The following SLC2A9 variants were observed in gnomAD, a reference collection of about 807,000 sequenced individuals.
SLC2A9 encodes solute carrier family 2, facilitated glucose transporter member 9.
Under a neutral mutation model 50.6 loss-of-function variants are expected in SLC2A9, and 39 were observed. The ratio of observed to expected loss-of-function variants is 0.77; its 90% CI spans 0.60 to 1.01. SLC2A9 has a LOEUF of 1.01. Ranked by LOEUF, SLC2A9 falls within the 50% of genes least tolerant of loss-of-function variation. The probability of loss-of-function intolerance (pLI) is 0.00; values close to 1 mark genes in which losing one functional copy is unlikely to be tolerated. For missense variants in SLC2A9, 686 were observed against 677.6 expected (o/e 1.01, Z -0.14); for synonymous variants, 324 against 276.9 (o/e 1.17, Z -1.69).
At chr4:9,990,788 A>T (rs1276251904) in intron 3 of SLC2A9, among the ~76,000 whole-genome samples, 1 of 152,094 alleles carries the variant, frequency 6.6e-6, no homozygotes, top group Non-Finnish European at 1.5e-5. Context: ...CTTTCTCCTT[A>T]TGTCCCATCA....
chr4:9,891,646 T>C (rs924350642), intron 8 of SLC2A9, among the ~76,000 whole-genome samples: 4 of 152,154 alleles, frequency 2.6e-5, no homozygotes, highest in African/African-American at 9.7e-5. Flanking sequence ...AGAGGTGAGA[T>C]AACAGCAGAC....
chr4:9,928,649 G>T (rs150088572), intron 6 of SLC2A9, among the ~76,000 whole-genome samples: 2 of 152,132 alleles, frequency 1.3e-5, no homozygotes, highest in African/African-American at 4.8e-5. Flanking sequence ...CAGGAGAATC[G>T]CTTGAACCCG....
At chr4:9,983,105 T>C (rs1361607208) in intron 4 of SLC2A9, among the ~76,000 whole-genome samples, 1 of 152,138 alleles carries the variant, frequency 6.6e-6, no homozygotes, top group Non-Finnish European at 1.5e-5. Context: ...TGACCTCAGG[T>C]GATCCGCCCG....
At chr4:9,887,432 G>A in intron 10 of SLC2A9, 135 bp downstream of exon 10, 1 of 803,774 alleles carries the variant, frequency 1.2e-6, no homozygotes. Flanking sequence ...CCAAAAGAAA[G>A]GCAGCAGACA....
intron 5 of SLC2A9, among the ~76,000 whole-genome samples, chr4:9,977,330 C>A (rs752739479): frequency 2.2e-4 from 34 of 152,248 alleles, no homozygotes; most frequent in Admixed American, 4.6e-4. Flanking sequence ...TGAAATATGA[C>A]AAATCTGGAT....
chr4:10,006,110 A>T (rs1048832766), intron 2 of SLC2A9, among the ~76,000 whole-genome samples: 3 of 152,212 alleles, frequency 2.0e-5, no homozygotes, highest in African/African-American at 7.2e-5. Flanking sequence ...TTTATTTGTC[A>T]GATTCAAGAA....
chr4:10,019,004 T>G lies in SLC2A9; in HGVS notation c.220A>C (p.Asn74His). The part of the protein sequence containing the change: ...AFGSSFLYGY[N>H]LSVVNAPTPY... Reference sequence around the variant, plus strand: ...GTGGGGGCATTCACCACCGACAGGTTGTAGCCGTAGAGGAAGGAGGAGCCG... The same window carrying G: ...GTGGGGGCATTCACCACCGACAGGTGGTAGCCGTAGAGGAAGGAGGAGCCG... Residue 74 changes from asparagine (N) to histidine (H), a missense_variant, in exon 2 of 12, where the codon AAC becomes CAC. Physicochemically the swap from Asn to His is moderately conservative, Grantham distance 68 (BLOSUM62 1). Transcript: ENST00000264784. 1.4e-5 allele frequency: 22 copies of G among 1,550,146 alleles called. No homozygotes were observed. Among genetic ancestry groups the G allele is most frequent in the Non-Finnish European group, 1.8e-5 (21 of 1,146,862 alleles).
At chr4:9,898,103 C>T (rs58380370) in intron 8 of SLC2A9, among the ~76,000 whole-genome samples, 38,466 of 152,008 alleles carry the variant, frequency 0.25, 5,062 homozygotes, top group Non-Finnish European at 0.28. Flanking sequence ...AGGCTTCTGG[C>T]CTTGAGAACT....
chr4:9,825,529 CA>C (rs1419174177), downstream of SLC2A9, among the ~76,000 whole-genome samples: 21 of 23,482 alleles, frequency 8.9e-4, no homozygotes, highest in Admixed American at 2.1e-3. Context: ...CAATTAATCA[CA>C]ATGTTTTTTT....
intron 5 of SLC2A9, among the ~76,000 whole-genome samples, chr4:9,965,834 A>C (rs1055066951): frequency 6.6e-6 from 1 of 152,240 alleles, no homozygotes; most frequent in Non-Finnish European, 1.5e-5. Context: ...CTTTATTGAA[A>C]AGACAGAAAT....
chr4:9,906,038 T>A (rs62293329), intron 8 of SLC2A9, among the ~76,000 whole-genome samples: 3,547 of 152,310 alleles, frequency 0.023, 61 homozygotes, highest in Middle Eastern at 0.068. Context: ...ATTATGGAAA[T>A]CTACCTAAAT....
intron 4 of SLC2A9, among the ~76,000 whole-genome samples, chr4:9,984,900 G>C (rs1295998606): frequency 6.6e-6 from 1 of 152,174 alleles, no homozygotes; most frequent in Non-Finnish European, 1.5e-5. Flanking sequence ...TGGCCTACAA[G>C]GTCTTATGTG....
At chr4:9,972,387 A>T (rs1416869428) in intron 5 of SLC2A9, among the ~76,000 whole-genome samples, 2 of 151,692 alleles carry the variant, frequency 1.3e-5, no homozygotes, top group Admixed American at 6.6e-5. Flanking sequence ...TAAAAAAAAT[A>T]TATCATTTGG....
chr4:9,857,094 C>A (rs544750647), intron 10 of SLC2A9, among the ~76,000 whole-genome samples: 48 of 152,176 alleles, frequency 3.2e-4, no homozygotes, highest in African/African-American at 1.1e-3. Flanking sequence ...TGCACATGTA[C>A]CCCTGAAACG....
intron 10 of SLC2A9, among the ~76,000 whole-genome samples, chr4:9,870,356 G>A (rs897617695): frequency 1.3e-5 from 2 of 152,242 alleles, no homozygotes; most frequent in Non-Finnish European, 2.9e-5. Context: ...CCAAGTGACA[G>A]TGAAGAGGAA....
chr4:9,943,112 G>A (rs750154027), intron 5 of SLC2A9, among the ~76,000 whole-genome samples: 1 of 152,126 alleles, frequency 6.6e-6, no homozygotes, highest in Non-Finnish European at 1.5e-5. Context: ...TGGGAGGCAG[G>A]GCTTCCCTCT....
Position 10,013,615 on chromosome 4 carries a change from G to T in SLC2A9, c.249+5360C>A, listed in dbSNP as rs187876522. Among the ~76,000 whole-genome samples, 9 of 152,330 alleles carry T rather than the reference G, an allele frequency of 5.9e-5. No individual in the cohort carries two copies. In the East Asian group the frequency reaches 1.2e-3, roughly 20 times the overall value. On this transcript the variant is annotated intron_variant, in intron 2 of 11. Transcript: ENST00000264784. ...TGAACCTGGGTCAAGTGCAGAGCTG[G>T]TGCCCAGAGGCGAGTTATTTTCATT...
intron 3 of SLC2A9, among the ~76,000 whole-genome samples, chr4:9,791,575 C>A (rs1193863960): frequency 6.6e-6 from 1 of 152,138 alleles, no homozygotes; most frequent in Non-Finnish European, 1.5e-5. Context: ...TCACTGGGGG[C>A]TGGAGGACAG....
At chr4:9,916,471 T>C (rs1742866320) in intron 7 of SLC2A9, among the ~76,000 whole-genome samples, 1 of 152,230 alleles carries the variant, frequency 6.6e-6, no homozygotes, top group African/African-American at 2.4e-5. Flanking sequence ...TGAAACTGCA[T>C]GGCATTGAGA....
Sources: gnomAD v4.1 joint callset for allele counts (sites outside exome capture counted in the v4.1 genomes callset) on GRCh38, gnomAD v4.1.1 for gene constraint, MANE v1.5 for transcripts, NCBI Gene and HGNC (gene_info 2026-07-23, HGNC 2026-07-21) for gene names.